Variants in PSME4 observed in about 807,000 individuals in gnomAD.
The protein encoded by PSME4 is proteasome activator subunit 4, also known as proteasome activator complex subunit 4.
PSME4 carries 89 observed loss-of-function variants against 253.9 expected under a neutral mutation model. That is an observed-to-expected ratio of 0.35 (90% CI 0.30 to 0.42). The LOEUF is 0.42. PSME4 is among the 10% of genes least tolerant of loss of function. The probability of loss-of-function intolerance (pLI) is 1.00; values close to 1 mark genes in which losing one functional copy is unlikely to be tolerated. For missense variants in PSME4, 2,014 were observed against 2,195.2 expected, an observed-to-expected ratio of 0.92 and a Z score of 1.65; for synonymous variants, 851 against 759.2, an observed-to-expected ratio of 1.12 and a Z score of -1.99.
In PSME4 at chr2:53,895,022, C is replaced by T. The variant is rs1358512865; in HGVS notation, c.3897G>A (p.Arg1299=). 9.3e-6 allele frequency: 15 copies of T among 1,612,772 alleles called. No homozygotes were observed. Among genetic ancestry groups the T allele is most frequent in the Non-Finnish European group, 1.2e-5 (14 of 1,179,716 alleles). The stretch of plus-strand genomic sequence containing the variant: ...GAATGCTTACCTCTGTCATATCCTC[C>T]CTGCTTCTGCCAAGCTTAGGCTGCT... ...VEEQPKLGRS[R]EDMTEAEQII... The change falls in exon 34 of 47, where the codon AGG becomes AGA. Residue 1299 remains arginine (R), a synonymous_variant. Transcript: ENST00000404125.
intron 26 of PSME4, among the ~76,000 whole-genome samples, chr2:53,905,352 T>G (rs2104438919): frequency 1.3e-5 from 2 of 149,772 alleles, no homozygotes; most frequent in African/African-American, 4.9e-5. Context: ...TAAACATTAC[T>G]TTAGAGGGAA....
chr2:53,959,581 C>A (rs914504165), intron 1 of PSME4, among the ~76,000 whole-genome samples: 4 of 151,938 alleles, frequency 2.6e-5, no homozygotes, highest in African/African-American at 9.7e-5. Flanking sequence ...CAAGGTTTCA[C>A]CATATAGAAA....
Position 53,893,704 on chromosome 2 carries a change from C to A in PSME4, c.4008G>T (p.Lys1336Asn), listed in dbSNP as rs556849567. 2 of 1,610,532 alleles carry A rather than the reference C, an allele frequency of 1.2e-6. No homozygotes were observed. Among genetic ancestry groups the A allele is most frequent in the Non-Finnish European group, 1.7e-6 (2 of 1,178,206 alleles). Residue 1336 changes from lysine to asparagine, a missense_variant, in exon 35 of 47, where the codon AAG (lysine) becomes AAT (asparagine). Coordinates refer to ENST00000404125, the MANE Select transcript of PSME4 (RefSeq NM_014614.3). ...AGAGGCAAAAACGTCGTGGATTAAA[C>A]TTATCTTTTCCTTTTCTGTCTTCTA... ...LSLEDRKGKD[K>N]FNPRRFCLFK...
chr2:53,900,253 T>C (rs1054949470), intron 28 of PSME4, among the ~76,000 whole-genome samples: 1 of 152,086 alleles, frequency 6.6e-6, no homozygotes, highest in Non-Finnish European at 1.5e-5. Context: ...TTGTTTTCTT[T>C]TGGGGTGATG....
At chr2:53,865,968 G>T in intron 46 of PSME4, 117 bp downstream of exon 46, 1 of 1,089,182 alleles carries the variant, frequency 9.2e-7, no homozygotes, top group Non-Finnish European at 1.3e-6. Flanking sequence ...AACAATCCCC[G>T]CCATCCAACT....
chr2:53,880,932 T>C (rs1337272414), intron 41 of PSME4, among the ~76,000 whole-genome samples: 1 of 152,198 alleles, frequency 6.6e-6, no homozygotes, highest in Non-Finnish European at 1.5e-5. Flanking sequence ...TGGCAAGGTC[T>C]ATTACCACCA....
chr2:53,891,771 T>C lies in PSME4; in HGVS notation c.4191+1037A>G, dbSNP rs562209416. On this transcript the variant is annotated intron_variant, in intron 36 of 46. Transcript: ENST00000404125. ...CTACTGAAGGTGGCTGAGGCATTGCTTGAACCCAGGGAGCAGAGGTTGCAG... is the reference window on the plus strand; with the variant it reads ...CTACTGAAGGTGGCTGAGGCATTGCCTGAACCCAGGGAGCAGAGGTTGCAG... Among the ~76,000 whole-genome samples, 10 of 151,766 alleles carry C rather than the reference T, an allele frequency of 6.6e-5. No homozygotes were observed. In the East Asian group the frequency reaches 1.9e-3, roughly 29 times the overall value.
chr2:53,871,968 C>T (rs1678899216), intron 43 of PSME4, among the ~76,000 whole-genome samples: 2 of 152,054 alleles, frequency 1.3e-5, no homozygotes, highest in East Asian at 1.9e-4. Flanking sequence ...GAGCCGAGAT[C>T]GCACCACTGC....
intron 45 of PSME4, among the ~76,000 whole-genome samples, chr2:53,866,457 A>G (rs1678570273): frequency 6.6e-6 from 1 of 152,234 alleles, no homozygotes; most frequent in Non-Finnish European, 1.5e-5. Flanking sequence ...TTGCAGTGCT[A>G]GAAAAATAGA....
chr2:53,948,451 G>A lies in PSME4; in HGVS notation c.470C>T (p.Thr157Ile). 1 of 1,612,212 alleles carries A rather than the reference G, an allele frequency of 6.2e-7. No homozygotes were observed. Among genetic ancestry groups the A allele is most frequent in the Non-Finnish European group, 8.5e-7 (1 of 1,178,336 alleles). The change falls in exon 3 of 47, where the codon ACA becomes ATA. Residue 157 changes from threonine (T) to isoleucine (I), a missense_variant. Physicochemically the swap from Thr to Ile is moderately conservative, Grantham distance 89. Coordinates refer to ENST00000404125, the MANE Select transcript of PSME4 (RefSeq NM_014614.3). The stretch of plus-strand genomic sequence containing the variant: ...AAACCAATTTAATCCTAGGTGCTCT[G>A]TCTTGGAATATAATATTCTTTCTAC... Reference protein sequence around the residue: ...DMVERILYSKTEHLGLNWFPN... With the variant: ...DMVERILYSKIEHLGLNWFPN...
Position 53,908,378 on chromosome 2 carries a change from T to A in PSME4, c.2726A>T (p.His909Leu). The change falls in exon 24 of 47, where the codon CAT becomes CTT. Residue 909 changes from histidine to leucine, a missense_variant. Physicochemically the swap from His to Leu is moderately conservative, Grantham distance 99. Coordinates refer to ENST00000404125, the MANE Select transcript of PSME4 (RefSeq NM_014614.3). ...DLLQFQGSHK[H>L]EFDSRWKSFN... Reference sequence around the variant, plus strand: ...GCTTTTCCATCGGGAGTCAAATTCATGCTTGTGAGATCCTTGGAATTGTAA... The same window carrying A: ...GCTTTTCCATCGGGAGTCAAATTCAAGCTTGTGAGATCCTTGGAATTGTAA... 1 of 1,613,326 alleles carries A rather than the reference T, an allele frequency of 6.2e-7. No homozygotes were observed. The highest frequency in any genetic ancestry group is 1.1e-5 in the South Asian group (1 of 91,016).
chr2:53,925,937 T>C (rs757140035), intron 13 of PSME4, 22 bp downstream of exon 13: 7 of 1,596,220 alleles, frequency 4.4e-6, no homozygotes, highest in Admixed American at 1.7e-5. Flanking sequence ...CAGCTAAACG[T>C]TGGTGTGGGT....
In PSME4 at chr2:53,878,839, C is replaced by G. The variant is rs373801070; in HGVS notation, c.4816-3084G>C. ...ACTTAATTAGCAATTTTAATTTTGC[C>G]CAGGTCCTATGGTTCTGTGATCTCG... On this transcript the variant is annotated intron_variant, in intron 41 of 46. Coordinates refer to ENST00000404125, the MANE Select transcript of PSME4 (RefSeq NM_014614.3). 8.5e-5 allele frequency among the ~76,000 whole-genome samples: 13 copies of G among 152,268 alleles called. No individual in the cohort carries two copies. In the East Asian group the frequency reaches 2.3e-3, roughly 27 times the overall value.
intron 12 of PSME4, 85 bp downstream of exon 12, chr2:53,927,309 C>G (rs1006352960): frequency 1.0e-6 from 1 of 958,804 alleles, no homozygotes; most frequent in Non-Finnish European, 1.6e-6. Context: ...CTTCCAAAGT[C>G]GTTTCTAAAC....
chr2:53,940,978 T>TAC (rs1669416920), intron 3 of PSME4, among the ~76,000 whole-genome samples: 1 of 71,008 alleles, frequency 1.4e-5, no homozygotes, highest in South Asian at 5.4e-4. Context: ...TATATATATA[T>TAC]ATATATATAT....
At chr2:53,965,954 G>C (rs1182222091) in intron 1 of PSME4, among the ~76,000 whole-genome samples, 6 of 152,150 alleles carry the variant, frequency 3.9e-5, no homozygotes, top group Admixed American at 3.9e-4. Context: ...TTACAGGCGT[G>C]AGCCGCCACG....
chr2:53,908,974 A>C, intron 21 of PSME4, 134 bp from the exon 22 acceptor site: 1 of 593,894 alleles, frequency 1.7e-6, no homozygotes. Context: ...ACCATAGTTG[A>C]ATTAATGGCT....
chr2:53,879,370 G>A (rs1679276714), intron 41 of PSME4, among the ~76,000 whole-genome samples: 1 of 152,060 alleles, frequency 6.6e-6, no homozygotes, highest in East Asian at 1.9e-4. Context: ...TTGTTATAAA[G>A]TAATCCCTTA....
intron 43 of PSME4, among the ~76,000 whole-genome samples, chr2:53,872,060 T>C (rs973265501): frequency 4.6e-5 from 7 of 152,126 alleles, no homozygotes; most frequent in African/African-American, 1.4e-4. Flanking sequence ...ATCAAAAATA[T>C]ACTGTAATAT....
Sources: allele counts gnomAD v4.1 joint callset (sites outside exome capture counted in the v4.1 genomes callset), GRCh38; gene constraint gnomAD v4.1.1; transcripts MANE v1.5; gene names NCBI Gene and HGNC (gene_info 2026-07-23, HGNC 2026-07-21).